The following CNBD1 variants were observed in gnomAD, a reference collection of about 807,000 sequenced individuals.
The protein encoded by CNBD1 is cyclic nucleotide binding domain containing 1, also known as cyclic nucleotide-binding domain-containing protein 1.
Under a neutral mutation model 54.4 loss-of-function variants are expected in CNBD1, and 71 were observed. The observed-to-expected ratio is 1.30, with a 90% CI of 1.08 to 1.59. CNBD1 has a LOEUF of 1.59. Among genes scored for constraint, CNBD1 ranks in the 40% most tolerant of loss-of-function variants. The pLI is 0.00. For synonymous variants in CNBD1, 182 were observed against 170.7 expected (o/e 1.07, Z -0.51); for missense variants, 659 against 518.0 (o/e 1.27, Z -2.64).
intron 6 of CNBD1, among the ~76,000 whole-genome samples, chr8:87,239,283 A>C (rs1807641543): frequency 6.6e-6 from 1 of 152,198 alleles, no homozygotes; most frequent in East Asian, 1.9e-4. Flanking sequence ...CTAAAAATTT[A>C]AAGTATCCTT....
At position 87,281,931 on chromosome 8, in the gene CNBD1, G is replaced by A. The variant is rs137882068; in HGVS notation, c.772-2747G>A. On this transcript the variant is annotated intron_variant, in intron 6 of 10. Transcript: ENST00000518476. Reference sequence around the variant, plus strand: ...TTGAGCAGGTTTCTTTTGTGTGTGAGTCATTTGGTTCATCTCTTCTGGAAA... The same window carrying A: ...TTGAGCAGGTTTCTTTTGTGTGTGAATCATTTGGTTCATCTCTTCTGGAAA... Among the ~76,000 whole-genome samples the A allele has an allele frequency of 3.7e-3, 556 of 151,322 alleles. 3 individuals carry two copies. Among genetic ancestry groups the A allele is most frequent in the African/African-American group, 0.013 (521 of 41,382 alleles).
intron 5 of CNBD1, among the ~76,000 whole-genome samples, chr8:87,208,328 G>A (rs1172315658): frequency 6.6e-6 from 1 of 151,936 alleles, no homozygotes. Flanking sequence ...TTTCTAAGTA[G>A]TGAATAAAAC....
At chr8:86,867,174 C>T (rs1008922081) in intron 1 of CNBD1, among the ~76,000 whole-genome samples, 1 of 151,952 alleles carries the variant, frequency 6.6e-6, no homozygotes, top group Non-Finnish European at 1.5e-5. Flanking sequence ...TAGTCTAAAC[C>T]TATAACGTTT....
At chr8:87,325,004 C>G (rs1487170695) in intron 8 of CNBD1, among the ~76,000 whole-genome samples, 2 of 105,096 alleles carry the variant, frequency 1.9e-5, no homozygotes, top group East Asian at 2.1e-4. Context: ...TATGTTGTGT[C>G]TTTGTTCTCG....
chr8:87,262,100 G>T (rs957265894), intron 6 of CNBD1, among the ~76,000 whole-genome samples: 1 of 152,142 alleles, frequency 6.6e-6, no homozygotes, highest in Non-Finnish European at 1.5e-5. Context: ...GCTGCAGTGA[G>T]CCTGGATCAT....
Position 87,165,873 on chromosome 8 carries a change from AC to A in CNBD1, c.432-40119del, listed in dbSNP as rs1456447727. Among the ~76,000 whole-genome samples, 33 of 152,126 alleles carry A rather than the reference AC, an allele frequency of 2.2e-4. 1 individual carries two copies. The highest frequency in any genetic ancestry group is 5.2e-4 in the Admixed American group (8 of 15,242). The stretch of plus-strand genomic sequence containing the variant: ...CGTCATATATAAAGCATTATTATAA[AC>A]AAATTTTTTGTCTACATTTTTATGT... On this transcript the variant is annotated intron_variant, in intron 4 of 10. Transcript: ENST00000518476.
chr8:87,307,462 G>A (rs931639212), intron 8 of CNBD1, among the ~76,000 whole-genome samples: 8 of 152,174 alleles, frequency 5.3e-5, no homozygotes, highest in Admixed American at 2.0e-4. Flanking sequence ...CAAGGGCTGC[G>A]TGCACTGGCT....
intron 4 of CNBD1, among the ~76,000 whole-genome samples, chr8:87,186,849 G>A (rs992422324): frequency 1.3e-5 from 2 of 152,080 alleles, no homozygotes; most frequent in African/African-American, 4.8e-5. Flanking sequence ...GGAAGCAAAA[G>A]TTATGGACAA....
chr8:87,105,594 A>G (rs1811517217), intron 4 of CNBD1, among the ~76,000 whole-genome samples: 1 of 152,140 alleles, frequency 6.6e-6, no homozygotes, highest in Non-Finnish European at 1.5e-5. Flanking sequence ...GTCACCTGGA[A>G]AAGACGTGGG....
Position 87,353,770 on chromosome 8 carries a change from A to G in CNBD1, c.1287A>G (p.Glu429=). 6.2e-7 allele frequency: 1 copy of G among 1,607,688 alleles called. No individual in the cohort carries two copies. Among genetic ancestry groups the G allele is most frequent in the South Asian group, 1.1e-5 (1 of 89,072 alleles). Reference sequence around the variant, plus strand: ...AAGAAGTTGAGATGGCAATCATTGAAGATAAGGACCTATTTGGTAAATGCA... The same window carrying G: ...AAGAAGTTGAGATGGCAATCATTGAGGATAAGGACCTATTTGGTAAATGCA... ...TKKEVEMAII[E]DKDLFVA The change falls in exon 10 of 11, where the codon GAA becomes GAG. Residue 429 remains glutamate, a synonymous_variant. Coordinates refer to ENST00000518476, the MANE Select transcript of CNBD1 (RefSeq NM_173538.3).
chr8:87,085,486 A>G (rs1251331826), intron 4 of CNBD1, among the ~76,000 whole-genome samples: 2 of 152,014 alleles, frequency 1.3e-5, no homozygotes, highest in Non-Finnish European at 2.9e-5. Context: ...AGTTTTTATC[A>G]TGAGGGATTG....
In CNBD1 at chr8:86,964,609, G is replaced by A. The variant is rs112963652; in HGVS notation, c.431+24855G>A. Among the ~76,000 whole-genome samples the A allele has an allele frequency of 9.2e-3, 1,402 of 152,290 alleles. 8 individuals carry two copies. The highest frequency in any genetic ancestry group is 0.014 in the Admixed American group (216 of 15,290). On this transcript the variant is annotated intron_variant, in intron 4 of 10. Coordinates refer to ENST00000518476, the MANE Select transcript of CNBD1 (RefSeq NM_173538.3). ...TTTGCTGTAAGCCCTGAAGAGAAAA[G>A]GGGACCCGAATCTAAATGGGACCGT...
intron 4 of CNBD1, among the ~76,000 whole-genome samples, chr8:87,195,512 G>T (rs972447110): frequency 6.6e-6 from 1 of 150,470 alleles, no homozygotes. Context: ...ACAGGCGTAA[G>T]TCACCATGCC....
At chr8:86,917,639 G>A (rs180950778) in intron 3 of CNBD1, among the ~76,000 whole-genome samples, 2 of 152,260 alleles carry the variant, frequency 1.3e-5, no homozygotes, top group African/African-American at 2.4e-5. Context: ...GGAGAAGAGA[G>A]TTAAGAGTGG....
At chr8:87,349,863 G>A (rs1265099962) in intron 8 of CNBD1, among the ~76,000 whole-genome samples, 3 of 152,114 alleles carry the variant, frequency 2.0e-5, no homozygotes, top group Non-Finnish European at 4.4e-5. Flanking sequence ...AATGGTTTGG[G>A]TTTTCCAATT....
intron 5 of CNBD1, among the ~76,000 whole-genome samples, chr8:87,208,630 A>G (rs1240975596): frequency 6.6e-6 from 1 of 152,054 alleles, no homozygotes; most frequent in Non-Finnish European, 1.5e-5. Flanking sequence ...TTTAGTTACT[A>G]ACCTGTAACA....
chr8:87,027,894 C>T (rs1809687251), intron 4 of CNBD1, among the ~76,000 whole-genome samples: 1 of 152,192 alleles, frequency 6.6e-6, no homozygotes, highest in African/African-American at 2.4e-5. Context: ...CAAGTGTGTC[C>T]AAACGGAAAC....
intron 2 of CNBD1, among the ~76,000 whole-genome samples, chr8:86,887,947 A>C (rs957034889): frequency 2.0e-5 from 3 of 152,206 alleles, no homozygotes; most frequent in Non-Finnish European, 4.4e-5. Flanking sequence ...TGAATAGGGA[A>C]TGCCTCATTG....
rs886739545 is a variant in CNBD1 at position 87,115,776 on chromosome 8, A to T, written c.432-90217A>T. 2.0e-4 allele frequency among the ~76,000 whole-genome samples: 31 copies of T among 152,286 alleles called. 1 individual carries two copies. The highest frequency in any genetic ancestry group is 4.6e-4 in the Non-Finnish European group (31 of 68,020). ...GTTTTCTGTACCTCGTATCTCTCGT[A>T]TCTCTAAAAGGTCAAAGATACTGCA... On this transcript the variant is annotated intron_variant, in intron 4 of 10. Coordinates refer to ENST00000518476, the MANE Select transcript of CNBD1 (RefSeq NM_173538.3).
Sources: gnomAD v4.1 joint callset for allele counts (sites outside exome capture counted in the v4.1 genomes callset) on GRCh38, gnomAD v4.1.1 for gene constraint, MANE v1.5 for transcripts, NCBI Gene and HGNC (gene_info 2026-07-23, HGNC 2026-07-21) for gene names.